The following GPR55 variants were observed in gnomAD, a reference collection of about 807,000 sequenced individuals.
GPR55 encodes G protein-coupled receptor 55, also known as G-protein coupled receptor 55.
GPR55 carries 6 observed loss-of-function variants against 7.9 expected under a neutral mutation model. The ratio of observed to expected loss-of-function variants is 0.76; its 90% CI spans 0.41 to 1.49. GPR55 has a LOEUF of 1.49. GPR55 is among the 40% of genes most tolerant of loss of function. GPR55 has a pLI of 0.01. For missense variants in GPR55, 376 were observed against 406.0 expected (o/e 0.93, Z 0.63); for synonymous variants, 183 against 166.8 (o/e 1.10, Z -0.75).
At chr2:230,938,073 G>C (rs912422958) in intron 1 of GPR55, among the ~76,000 whole-genome samples, 2 of 147,678 alleles carry the variant, frequency 1.4e-5, no homozygotes, top group African/African-American at 5.1e-5. Context: ...CTTAAGTACA[G>C]GAGATTGAGG....
chr2:230,950,423 C>T (rs1314407752), intron 1 of GPR55, among the ~76,000 whole-genome samples: 1 of 152,120 alleles, frequency 6.6e-6, no homozygotes, highest in Non-Finnish European at 1.5e-5. Flanking sequence ...ATTTTCTTCT[C>T]ATCTTCTCTT....
At chr2:230,920,071 T>A (rs992407371) in intron 1 of GPR55, among the ~76,000 whole-genome samples, 1 of 144,292 alleles carries the variant, frequency 6.9e-6, no homozygotes, top group African/African-American at 2.7e-5. Flanking sequence ...TTTTAAAATC[T>A]TTTATCTTTA....
chr2:230,956,459 C>A (rs1227156911), intron 1 of GPR55, among the ~76,000 whole-genome samples: 1 of 152,190 alleles, frequency 6.6e-6, no homozygotes, highest in Non-Finnish European at 1.5e-5. Context: ...TGAGCCACCA[C>A]TCCTGGCAAT....
At chr2:230,951,756 G>T (rs74963703) in intron 1 of GPR55, among the ~76,000 whole-genome samples, 2,212 of 47,484 alleles carry the variant, frequency 0.047, 50 homozygotes, top group African/African-American at 0.23. Context: ...TGTTATTGGG[G>T]TTTTTTTTTT....
At chr2:230,913,214 G>A (rs1298405143) in intron 1 of GPR55, among the ~76,000 whole-genome samples, 1 of 152,066 alleles carries the variant, frequency 6.6e-6, no homozygotes, top group Non-Finnish European at 1.5e-5. Flanking sequence ...TCCACAATAA[G>A]CATTCCTATG....
intron 1 of GPR55, among the ~76,000 whole-genome samples, chr2:230,941,983 G>A (rs1223015506): frequency 6.6e-6 from 1 of 152,252 alleles, no homozygotes; most frequent in African/African-American, 2.4e-5. Flanking sequence ...GACATTCTGG[G>A]ATCCAGAGTG....
intron 1 of GPR55, among the ~76,000 whole-genome samples, chr2:230,939,232 G>A (rs534123956): frequency 5.9e-5 from 9 of 152,342 alleles, no homozygotes; most frequent in Admixed American, 2.6e-4. Context: ...CGGTGGCTCC[G>A]AGGAGCTGTG....
chr2:230,935,266 T>G (rs1346945484), intron 1 of GPR55, among the ~76,000 whole-genome samples: 1 of 152,086 alleles, frequency 6.6e-6, no homozygotes, highest in East Asian at 1.9e-4. Context: ...AGGCACGTCT[T>G]AGGAACTAGA....
chr2:230,933,991 G>T (rs1364304735), intron 1 of GPR55, among the ~76,000 whole-genome samples: 1 of 152,132 alleles, frequency 6.6e-6, no homozygotes, highest in Admixed American at 6.5e-5. Context: ...AGAGGTGCTG[G>T]GTCAGGCTGT....
chr2:230,921,561 A>G (rs977400161), intron 1 of GPR55, among the ~76,000 whole-genome samples: 77 of 152,392 alleles, frequency 5.1e-4, no homozygotes, highest in African/African-American at 1.8e-3. Context: ...CGTGTGAGTC[A>G]GAGACAAAAT....
In GPR55 at chr2:230,924,725, A is replaced by G. The variant is rs1392141971; in HGVS notation, c.-135+443T>C. The G allele has an allele frequency of 6.6e-6, 1 of 151,952 alleles. No homozygotes were observed. Among genetic ancestry groups the G allele is most frequent in the African/African-American group, 2.4e-5 (1 of 41,344 alleles). 9.4% of individuals were successfully genotyped at this position (151,952 alleles called of 1,614,324 possible). On this transcript the variant is annotated intron_variant, in intron 1 of 1. Coordinates refer to ENST00000650999, the MANE Select transcript of GPR55 (RefSeq NM_005683.4). This position sits in a 1 kb window ranked among gnomAD's most constrained non-coding sequence, Gnocchi z 4.5. ...AGCACTTGCTCAGGGCTGCAGGATG[A>G]TCCCTGAGAGTGTGTCATCTCGGGC...
At chr2:230,928,870 G>A (rs1690986894), upstream of GPR55, among the ~76,000 whole-genome samples, 1 of 152,138 alleles carries the variant, frequency 6.6e-6, no homozygotes, top group African/African-American at 2.4e-5. Flanking sequence ...TCCAGGTGCG[G>A]CCTGGAGACA....
intron 1 of GPR55, among the ~76,000 whole-genome samples, chr2:230,920,947 G>T (rs1164938636): frequency 2.0e-5 from 3 of 151,972 alleles, no homozygotes; most frequent in African/African-American, 7.3e-5. Flanking sequence ...TTTTGTCAAG[G>T]AAAAACACTA....
chr2:230,937,965 G>C (rs1395192442), intron 1 of GPR55, among the ~76,000 whole-genome samples: 1 of 151,720 alleles, frequency 6.6e-6, no homozygotes, highest in Non-Finnish European at 1.5e-5. Context: ...GACCAGCCTA[G>C]GTAATATATT....
chr2:230,921,685 G>T (rs1372456911), intron 1 of GPR55, among the ~76,000 whole-genome samples: 2 of 152,188 alleles, frequency 1.3e-5, no homozygotes. Flanking sequence ...AACATGAAAG[G>T]GAGAAACGAG....
intron 1 of GPR55, among the ~76,000 whole-genome samples, chr2:230,916,427 T>C (rs1213852731): frequency 6.6e-6 from 1 of 151,296 alleles, no homozygotes; most frequent in African/African-American, 2.4e-5. Flanking sequence ...TGGGCGGCTA[T>C]GTGGGAGGAT....
In GPR55 at chr2:230,908,008, A is replaced by G. The variant is rs1690493153; in HGVS notation, c.*1995T>C. 6.6e-6 allele frequency: 1 copy of G among 151,782 alleles called. No homozygotes were observed. Among genetic ancestry groups the G allele is most frequent in the Admixed American group, 6.6e-5 (1 of 15,238 alleles). 9.4% of individuals were successfully genotyped at this position (151,782 alleles called of 1,614,324 possible). A position where few individuals can be genotyped will look rare whatever the true frequency, so the allele number is the denominator to read the frequency against. On this transcript the variant is annotated 3_prime_UTR_variant, in exon 2 of 2. Transcript: ENST00000650999. ...TAGACACTGACCCGAACCAGCCCCA[A>G]ATGCCCCGTTGCATGTGAAAGTCTG...
chr2:230,957,601 C>G (rs59011825), intron 1 of GPR55: 1 of 450,406 alleles, frequency 2.2e-6, no homozygotes, highest in Non-Finnish European at 4.5e-6. Context: ...CCGTGGCCGC[C>G]GCTCCGGAGC....
At chr2:230,943,238 A>G (rs370954955) in intron 1 of GPR55, among the ~76,000 whole-genome samples, 2 of 152,282 alleles carry the variant, frequency 1.3e-5, no homozygotes, top group South Asian at 2.1e-4. Context: ...GCCCATCTAC[A>G]TCCGGAGCCA....
Sources: allele counts gnomAD v4.1 joint callset (sites outside exome capture counted in the v4.1 genomes callset), GRCh38; gene constraint gnomAD v4.1.1; non-coding constraint Gnocchi (gnomAD v3.1); transcripts MANE v1.5; gene names NCBI Gene and HGNC (gene_info 2026-07-23, HGNC 2026-07-21).